The following PTPRD variants were observed in gnomAD, a reference collection of about 807,000 sequenced individuals.
PTPRD encodes the protein receptor-type tyrosine-protein phosphatase delta.
Under a neutral mutation model 214.5 loss-of-function variants are expected in PTPRD, and 34 were observed. The observed-to-expected ratio is 0.16, with a 90% CI of 0.12 to 0.21. The LOEUF is 0.21. Among genes scored for constraint, PTPRD ranks in the 10% least tolerant of loss-of-function variants. The pLI is 1.00. For synonymous variants in PTPRD, 1,128 were observed against 845.7 expected, an observed-to-expected ratio of 1.33 and a Z score of -5.79; for missense variants, 2,545 against 2,398.7, an observed-to-expected ratio of 1.06 and a Z score of -1.27.
Position 9,739,302 on chromosome 9 carries a change from G to A in PTPRD, c.-325-4731C>T, listed in dbSNP as rs149601950. On this transcript the variant is annotated intron_variant, in intron 6 of 45. Coordinates refer to ENST00000381196, the MANE Select transcript of PTPRD (RefSeq NM_002839.4). ...ACTAAGTGTGATATTAGTTGTAAGC[G>A]TTTGCTAGATATTTTTATATCATAA... 3.8e-3 allele frequency among the ~76,000 whole-genome samples: 574 copies of A among 152,180 alleles called. 20 individuals carry two copies. The highest frequency in any genetic ancestry group is 0.031 in the Admixed American group (477 of 15,284).
chr9:9,715,136 C>A (rs1266359296), intron 7 of PTPRD, among the ~76,000 whole-genome samples: 1 of 152,140 alleles, frequency 6.6e-6, no homozygotes, highest in Non-Finnish European at 1.5e-5. Context: ...TACTTTATGT[C>A]ACTGGACTTC....
chr9:8,376,082 T>A lies in PTPRD; in HGVS notation c.4515A>T (p.Ser1505=), dbSNP rs2134836082. 1 of 1,612,256 alleles carries A rather than the reference T, an allele frequency of 6.2e-7. No individual in the cohort carries two copies. Among genetic ancestry groups the A allele is most frequent in the Non-Finnish European group, 8.5e-7 (1 of 1,178,968 alleles). Residue 1505 remains serine, a synonymous_variant, in exon 39 of 46, where the codon TCA becomes TCT. Coordinates refer to ENST00000381196, the MANE Select transcript of PTPRD (RefSeq NM_002839.4). ...ATTGTCTCACTTCTCTCTTCTCACT[T>A]GAACCATTCTGTGAAATAGGAATAT... ...VRTFALYKNG[S]SEKREVRQFQ...
At chr9:8,470,059 T>C (rs1304215106) in intron 31 of PTPRD, among the ~76,000 whole-genome samples, 4 of 152,172 alleles carry the variant, frequency 2.6e-5, no homozygotes, top group African/African-American at 9.7e-5. Flanking sequence ...TACTACAAGA[T>C]GTGGCCTATG....
intron 2 of PTPRD, among the ~76,000 whole-genome samples, chr9:10,604,092 G>A (rs1023702588): frequency 2.6e-5 from 4 of 151,678 alleles, no homozygotes; most frequent in Non-Finnish European, 5.9e-5. Flanking sequence ...GGGGAACTTG[G>A]CAATAGAAAC....
At chr9:9,268,194 G>T (rs1941028830) in intron 9 of PTPRD, among the ~76,000 whole-genome samples, 1 of 151,018 alleles carries the variant, frequency 6.6e-6, no homozygotes, top group African/African-American at 2.4e-5. Context: ...GCACGAAAAA[G>T]TCAGCTTTGT....
intron 8 of PTPRD, among the ~76,000 whole-genome samples, chr9:9,529,259 T>G (rs968023501): frequency 7.0e-6 from 1 of 142,076 alleles, no homozygotes; most frequent in Non-Finnish European, 1.5e-5. Flanking sequence ...GATTGAAATC[T>G]AAAAACTCCA....
chr9:10,521,130 T>C (rs1007509356), intron 2 of PTPRD, among the ~76,000 whole-genome samples: 4 of 152,150 alleles, frequency 2.6e-5, no homozygotes, highest in Admixed American at 2.0e-4. Context: ...GGATTCACCA[T>C]TCTAGATGCC....
At chr9:8,967,338 A>G (rs2099203330) in intron 11 of PTPRD, among the ~76,000 whole-genome samples, 1 of 152,192 alleles carries the variant, frequency 6.6e-6, no homozygotes, top group African/African-American at 2.4e-5. Flanking sequence ...CTAAATGGAA[A>G]GAAATCATCC....
chr9:8,608,486 T>C (rs993270294), intron 14 of PTPRD, among the ~76,000 whole-genome samples: 6 of 152,114 alleles, frequency 3.9e-5, no homozygotes, highest in African/African-American at 1.4e-4. Context: ...AGCGCTCAAA[T>C]CTAAAGCAAC....
intron 9 of PTPRD, among the ~76,000 whole-genome samples, chr9:9,275,819 C>CTG (rs879644613): frequency 5.5e-4 from 81 of 147,442 alleles, no homozygotes; most frequent in African/African-American, 1.8e-3. Context: ...AGCGAAACAG[C>CTG]TGTGTGTGTG....
intron 3 of PTPRD, among the ~76,000 whole-genome samples, chr9:10,159,604 T>C (rs77405222): frequency 0.035 from 5,328 of 151,912 alleles, 306 homozygotes; most frequent in African/African-American, 0.12. Flanking sequence ...CTCAGTGATC[T>C]CCCAGATAAC....
intron 2 of PTPRD, among the ~76,000 whole-genome samples, chr9:10,541,990 T>C (rs1198663809): frequency 6.6e-6 from 1 of 152,108 alleles, no homozygotes; most frequent in Non-Finnish European, 1.5e-5. Flanking sequence ...CCCTAACAGG[T>C]CATAACCCCA....
intron 3 of PTPRD, among the ~76,000 whole-genome samples, chr9:10,038,906 C>T (rs1164360643): frequency 6.6e-6 from 1 of 151,958 alleles, no homozygotes; most frequent in Non-Finnish European, 1.5e-5. Flanking sequence ...CAATTATTGC[C>T]CTTTACACTA....
intron 11 of PTPRD, among the ~76,000 whole-genome samples, chr9:8,826,759 G>A (rs1342703676): frequency 6.6e-6 from 1 of 151,622 alleles, no homozygotes; most frequent in Non-Finnish European, 1.5e-5. Context: ...ACCAGTAAAT[G>A]CCCAGTGTTT....
rs557261966 is a variant in PTPRD at position 10,257,255 on chromosome 9, C to T, written c.-545+83708G>A. On this transcript the variant is annotated intron_variant, in intron 3 of 45. Coordinates refer to ENST00000381196, the MANE Select transcript of PTPRD (RefSeq NM_002839.4). ...GGAGAAAAGGTTGCCTATATCTGGT[C>T]CTAAACAATTTGCCTATATCTGCTC... 1.6e-4 allele frequency among the ~76,000 whole-genome samples: 24 copies of T among 152,274 alleles called. No homozygotes were observed. In the South Asian group the frequency reaches 5.0e-3, roughly 32 times the overall value.
intron 3 of PTPRD, among the ~76,000 whole-genome samples, chr9:10,268,095 T>G (rs774567677): frequency 5.4e-5 from 8 of 148,852 alleles, no homozygotes; most frequent in African/African-American, 2.0e-4. Context: ...CTAAGCAACA[T>G]AGCAAACCCC....
At chr9:9,135,375 G>A (rs79335475) in intron 10 of PTPRD, among the ~76,000 whole-genome samples, 2,142 of 152,246 alleles carry the variant, frequency 0.014, 42 homozygotes, top group East Asian at 0.066. Flanking sequence ...GTTCTGGATT[G>A]AATTTTTTGA....
chr9:9,480,570 T>C (rs978890193), intron 8 of PTPRD, among the ~76,000 whole-genome samples: 8 of 152,178 alleles, frequency 5.3e-5, no homozygotes, highest in African/African-American at 1.9e-4. Flanking sequence ...AAAGTTTGTA[T>C]TGATGTTTAT....
intron 8 of PTPRD, among the ~76,000 whole-genome samples, chr9:9,422,876 G>A (rs2079328616): frequency 6.6e-6 from 1 of 152,086 alleles, no homozygotes; most frequent in African/African-American, 2.4e-5. Context: ...GAGCTGAAAA[G>A]CTGACTGGAG....
Sources: gnomAD v4.1 joint callset for allele counts (sites outside exome capture counted in the v4.1 genomes callset) on GRCh38, gnomAD v4.1.1 for gene constraint, MANE v1.5 for transcripts, NCBI Gene and HGNC (gene_info 2026-07-23, HGNC 2026-07-21) for gene names.